PLD5: variants seen among roughly 807,000 people sequenced by gnomAD.
PLD5 encodes inactive phospholipase D5.
Under a neutral mutation model 61.1 loss-of-function variants are expected in PLD5, and 36 were observed. The observed-to-expected ratio is 0.59, with a 90% CI of 0.45 to 0.78. PLD5 has a LOEUF of 0.78. Among genes scored for constraint, PLD5 ranks in the 30% least tolerant of loss-of-function variants. The probability of loss-of-function intolerance (pLI) is 0.00; values close to 1 mark genes in which losing one functional copy is unlikely to be tolerated. For synonymous variants in PLD5, 243 were observed against 242.8 expected, an observed-to-expected ratio of 1.00 and a Z score of -0.01; for missense variants, 515 against 644.4, an observed-to-expected ratio of 0.80 and a Z score of 2.17.
intron 4 of PLD5, among the ~76,000 whole-genome samples, chr1:242,246,718 C>A (rs4658790): frequency 0.5 from 75,772 of 151,506 alleles, 19,864 homozygotes; most frequent in Admixed American, 0.65. Flanking sequence ...AGGAAAAAAT[C>A]AAACTCGGTA....
intron 3 of PLD5, among the ~76,000 whole-genome samples, chr1:242,266,391 T>A (rs1421552513): frequency 6.6e-6 from 1 of 152,118 alleles, no homozygotes; most frequent in African/African-American, 2.4e-5. Context: ...AACAAACAAA[T>A]AAATAAAAGT....
intron 4 of PLD5, among the ~76,000 whole-genome samples, chr1:242,236,763 G>A (rs1174098302): frequency 1.3e-5 from 2 of 152,196 alleles, no homozygotes; most frequent in African/African-American, 4.8e-5. Flanking sequence ...CATTTGTAGG[G>A]AGAGGAAGAA....
At chr1:242,173,445 G>T (rs1666896336) in intron 5 of PLD5, among the ~76,000 whole-genome samples, 1 of 152,158 alleles carries the variant, frequency 6.6e-6, no homozygotes, top group South Asian at 2.1e-4. Flanking sequence ...TGGATAGGAA[G>T]AATCAATATC....
At chr1:242,229,933 C>A (rs1671194619) in intron 4 of PLD5, among the ~76,000 whole-genome samples, 1 of 150,794 alleles carries the variant, frequency 6.6e-6, no homozygotes, top group African/African-American at 2.4e-5. Context: ...CTGTGTTTCT[C>A]AATTAGGGTC....
chr1:242,470,261 G>C (rs1458497568), intron 1 of PLD5, among the ~76,000 whole-genome samples: 1 of 151,706 alleles, frequency 6.6e-6, no homozygotes, highest in Non-Finnish European at 1.5e-5. Flanking sequence ...AGAATGGCGT[G>C]AACCCCGGAG....
At chr1:242,526,259 A>G (rs182089449), upstream of PLD5, among the ~76,000 whole-genome samples, 1 of 152,106 alleles carries the variant, frequency 6.6e-6, no homozygotes, top group Non-Finnish European at 1.5e-5. Flanking sequence ...GGTGGTGCTC[A>G]TCTGTGGTTT....
chr1:242,401,948 T>C (rs1663958240), intron 1 of PLD5, among the ~76,000 whole-genome samples: 1 of 152,248 alleles, frequency 6.6e-6, no homozygotes, highest in African/African-American at 2.4e-5. Flanking sequence ...AATGAATGAA[T>C]GAGGTTGGAG....
chr1:242,305,156 GAT>G (rs1310424322), intron 2 of PLD5, among the ~76,000 whole-genome samples: 2 of 152,160 alleles, frequency 1.3e-5, no homozygotes, highest in Non-Finnish European at 2.9e-5. Flanking sequence ...GCACTTTTAA[GAT>G]TCCAGCAAAC....
At chr1:242,525,447 C>T (rs6693158), upstream of PLD5, among the ~76,000 whole-genome samples, 763 of 152,320 alleles carry the variant, frequency 5.0e-3, 9 homozygotes, top group African/African-American at 0.018. Flanking sequence ...GTTTCTAGGC[C>T]CCTAGGGTCC....
chr1:242,154,780 A>T (rs762773085), intron 5 of PLD5, among the ~76,000 whole-genome samples: 1 of 152,130 alleles, frequency 6.6e-6, no homozygotes, highest in Non-Finnish European at 1.5e-5. Flanking sequence ...CTCGATGTTC[A>T]TCAGTAATAT....
chr1:242,476,069 A>G (rs1667586733), intron 1 of PLD5, among the ~76,000 whole-genome samples: 1 of 152,184 alleles, frequency 6.6e-6, no homozygotes, highest in Admixed American at 6.5e-5. Flanking sequence ...ACGCCTCCAT[A>G]TGGGCCAGGC....
intron 1 of PLD5, among the ~76,000 whole-genome samples, chr1:242,371,800 G>A (rs957812183): frequency 6.6e-6 from 1 of 152,088 alleles, no homozygotes; most frequent in Non-Finnish European, 1.5e-5. Flanking sequence ...ATAATATAGA[G>A]TGACCTCAGT....
At chr1:242,376,931 G>C (rs1416672725) in intron 1 of PLD5, 1 of 1,603,686 alleles carries the variant, frequency 6.2e-7, no homozygotes, top group Non-Finnish European at 8.5e-7. Context: ...GCTATTTCTC[G>C]GCTGAGCTCA....
intron 5 of PLD5, among the ~76,000 whole-genome samples, chr1:242,185,691 G>A (rs1350062153): frequency 6.6e-6 from 1 of 151,938 alleles, no homozygotes; most frequent in South Asian, 2.1e-4. Flanking sequence ...AACTTTAATG[G>A]GTCTCCCTTT....
intron 1 of PLD5, among the ~76,000 whole-genome samples, chr1:242,445,473 C>T (rs1666488124): frequency 6.6e-6 from 1 of 152,124 alleles, no homozygotes; most frequent in Non-Finnish European, 1.5e-5. Flanking sequence ...TCCCGAGTAG[C>T]TGTGATTACA....
intron 1 of PLD5, among the ~76,000 whole-genome samples, chr1:242,353,260 T>C (rs1265411999): frequency 6.6e-6 from 1 of 152,178 alleles, no homozygotes; most frequent in Non-Finnish European, 1.5e-5. Context: ...CCCAATACCA[T>C]TTATTGAAGA....
chr1:242,170,267 T>G (rs2148873864), intron 5 of PLD5, among the ~76,000 whole-genome samples: 1 of 152,220 alleles, frequency 6.6e-6, no homozygotes, highest in East Asian at 1.9e-4. Context: ...TTCTGCAGCC[T>G]CCGCTAGTGA....
chr1:242,189,789 G>GGAAC (rs1668133321), intron 5 of PLD5, among the ~76,000 whole-genome samples: 1 of 152,152 alleles, frequency 6.6e-6, no homozygotes, highest in Admixed American at 6.5e-5. Context: ...GCTAAATGAT[G>GGAAC]GAACATATGG....
intron 9 of PLD5, among the ~76,000 whole-genome samples, chr1:242,092,631 A>G (rs1458474295): frequency 6.6e-6 from 1 of 151,964 alleles, no homozygotes; most frequent in Non-Finnish European, 1.5e-5. Context: ...CTCTGCAGCA[A>G]CTCAGGTTTC....
Sources: gnomAD v4.1 joint callset for allele counts (sites outside exome capture counted in the v4.1 genomes callset) on GRCh38, gnomAD v4.1.1 for gene constraint, MANE v1.5 for transcripts, NCBI Gene and HGNC (gene_info 2026-07-23, HGNC 2026-07-21) for gene names.